ANK1: variants seen among roughly 807,000 people sequenced by gnomAD.
The protein encoded by ANK1 is ankyrin-1.
ANK1 carries 51 observed loss-of-function variants against 210.4 expected under a neutral mutation model. The ratio of observed to expected loss-of-function variants is 0.24; its 90% CI spans 0.19 to 0.31. The LOEUF (loss-of-function observed/expected upper bound fraction) is 0.31. ANK1 is among the 10% of genes least tolerant of loss of function. The pLI is 1.00. For synonymous variants in ANK1, 967 were observed against 1,025.9 expected (o/e 0.94, Z 1.10); for missense variants, 2,051 against 2,504.4 (o/e 0.82, Z 3.86).
At chr8:41,840,832 C>T (rs1293049178) in intron 1 of ANK1, among the ~76,000 whole-genome samples, 1 of 152,188 alleles carries the variant, frequency 6.6e-6, no homozygotes, top group Admixed American at 6.5e-5. Context: ...AAAAGAGTGG[C>T]CCGCTTGAAA....
chr8:41,703,402 G>A (rs1258095440), intron 20 of ANK1, among the ~76,000 whole-genome samples: 3 of 54,846 alleles, frequency 5.5e-5, no homozygotes, highest in African/African-American at 1.7e-4. Context: ...ATATGTATAT[G>A]TGTGTGTGTG....
intron 16 of ANK1, among the ~76,000 whole-genome samples, chr8:41,711,999 G>A (rs1310860593): frequency 1.3e-5 from 2 of 151,644 alleles, no homozygotes; most frequent in African/African-American, 4.8e-5. Flanking sequence ...ACCTTGGCTC[G>A]CCGCAATCTC....
At position 41,867,982 on chromosome 8, in the gene ANK1, C is replaced by T. The variant is rs1344293946; in HGVS notation, c.126+28373G>A. 2.6e-5 allele frequency among the ~76,000 whole-genome samples: 4 copies of T among 152,214 alleles called. No individual in the cohort carries two copies. The East Asian group carries it at 5.8e-4, about 22-fold the overall frequency. ...TCAAGCGATTCTCGTGCCTCAGCCT[C>T]CCAAGTAGCTGGGATTACAGGCGCC... On this transcript the variant is annotated intron_variant, in intron 1 of 42. Coordinates refer to the ANK1 transcript ENST00000265709.
At chr8:41,677,337 C>T (rs980032793) in intron 37 of ANK1, among the ~76,000 whole-genome samples, 3 of 152,092 alleles carry the variant, frequency 2.0e-5, no homozygotes, top group Non-Finnish European at 4.4e-5. Flanking sequence ...TTTCTGCTTT[C>T]TGTGTCACTG....
At chr8:41,887,265 T>A (rs1247640959) in intron 1 of ANK1, among the ~76,000 whole-genome samples, 2 of 112,458 alleles carry the variant, frequency 1.8e-5, no homozygotes, top group Non-Finnish European at 3.6e-5. Flanking sequence ...TTTTTTTTTT[T>A]AGAGACAGAG....
chr8:41,855,639 T>C lies in ANK1; in HGVS notation c.126+40716A>G, dbSNP rs974221567. Among the ~76,000 whole-genome samples, 4 of 152,340 alleles carry C rather than the reference T, an allele frequency of 2.6e-5. No individual in the cohort carries two copies. The East Asian group carries it at 5.8e-4, about 22-fold the overall frequency. On this transcript the variant is annotated intron_variant, in intron 1 of 42. Transcript: ENST00000265709. The stretch of plus-strand genomic sequence containing the variant: ...GAGAAAGGTCACTGCCTACCCCAGA[T>C]AGCCGGCTCTCTGTTTCTATAAAAG...
Position 41,723,195 on chromosome 8 carries a change from G to A in ANK1, c.839C>T (p.Ala280Val). Residue 280 changes from alanine (A) to valine (V), a missense_variant, in exon 9 of 43, where the codon GCT becomes GTT. Transcript: ENST00000289734. ...TGAGATTCGCACGTGCCCATTTCGA[G>A]CTGCACAGTGGAGAGGTGTCAATTC... ...KDELTPLHCA[A>V]RNGHVRISEI... is the part of the protein sequence containing the mutation. 6.2e-7 allele frequency: 1 copy of A among 1,614,146 alleles called. No homozygotes were observed.
intron 35 of ANK1, among the ~76,000 whole-genome samples, chr8:41,687,236 C>T (rs80140948): frequency 0.027 from 4,082 of 152,242 alleles, 150 homozygotes; most frequent in African/African-American, 0.086. Context: ...AATTGAGCAC[C>T]GGGCTCTGGA....
At chr8:41,751,549 T>C (rs1837701167) in intron 2 of ANK1, among the ~76,000 whole-genome samples, 1 of 152,188 alleles carries the variant, frequency 6.6e-6, no homozygotes, top group Admixed American at 6.5e-5. Context: ...ATGTGGCTGC[T>C]CTAGCTGGAA....
Position 41,663,764 on chromosome 8 carries a change from A to T in ANK1, c.5395-22T>A, listed in dbSNP as rs774682195. The T allele has an allele frequency of 1.2e-5, 19 of 1,590,756 alleles. No individual in the cohort carries two copies. The Admixed American group carries it at 3.2e-4, about 27-fold the overall frequency. ...TCCCCTGGAATTAGAGAAAGGGAGAAAATGCAAGATTGGTGAGTGGGAGTC... is the reference window on the plus strand; with the variant it reads ...TCCCCTGGAATTAGAGAAAGGGAGATAATGCAAGATTGGTGAGTGGGAGTC... On this transcript the variant is annotated intron_variant, in intron 39 of 42. Transcript: ENST00000289734.
At chr8:41,789,439 A>G (rs1486318724) in intron 1 of ANK1, 1 of 152,264 alleles carries the variant, frequency 6.6e-6, no homozygotes, top group Non-Finnish European at 1.5e-5. Flanking sequence ...GAGGGCACAT[A>G]TCTGATGGAG....
At position 41,708,926 on chromosome 8, in the gene ANK1, A is replaced by C; in HGVS notation, c.1850T>G (p.Val617Gly). Residue 617 changes from valine to glycine, a missense_variant, in exon 17 of 43, where the codon GTG becomes GGG. Physicochemically the swap from Val to Gly is moderately radical, Grantham distance 109 (BLOSUM62 -3). Coordinates refer to ENST00000289734, the MANE Select transcript of ANK1 (RefSeq NM_000037.4). ...CCCATACTGCAGCAGACTACGGGCCACCTCCACCTGGTTCTGCTTGGCAGC... is the reference window on the plus strand; with the variant it reads ...CCCATACTGCAGCAGACTACGGGCCCCCTCCACCTGGTTCTGCTTGGCAGC... ...HIAAKQNQVE[V>G]ARSLLQYGGS... 6.2e-7 allele frequency: 1 copy of C among 1,614,024 alleles called. No individual in the cohort carries two copies. Among genetic ancestry groups the C allele is most frequent in the East Asian group, 2.2e-5 (1 of 44,868 alleles).
At chr8:41,731,161 C>T (rs1279365005) in intron 3 of ANK1, among the ~76,000 whole-genome samples, 2 of 152,194 alleles carry the variant, frequency 1.3e-5, no homozygotes, top group Non-Finnish European at 2.9e-5. Context: ...AGGCCCCTGG[C>T]CTAAGTTGTG....
At chr8:41,715,938 G>C in intron 13 of ANK1, 89 bp from the exon 14 acceptor site, 1 of 1,489,538 alleles carries the variant, frequency 6.7e-7, no homozygotes, top group South Asian at 1.2e-5. Flanking sequence ...GCAGGGCCCA[G>C]AGAGGGCAAG....
At chr8:41,804,819 A>G (rs1850678914) in intron 1 of ANK1, among the ~76,000 whole-genome samples, 1 of 152,198 alleles carries the variant, frequency 6.6e-6, no homozygotes, top group Non-Finnish European at 1.5e-5. Flanking sequence ...CCGGCAAAAC[A>G]CGGTGAAAAC....
intron 1 of ANK1, among the ~76,000 whole-genome samples, chr8:41,872,411 A>G (rs954093527): frequency 5.3e-5 from 8 of 152,128 alleles, no homozygotes; most frequent in Admixed American, 2.6e-4. Context: ...CTCTTTCCTC[A>G]CTTCAGAGTC....
At chr8:41,804,539 G>A (rs970553380) in intron 1 of ANK1, among the ~76,000 whole-genome samples, 2 of 152,134 alleles carry the variant, frequency 1.3e-5, no homozygotes, top group African/African-American at 4.8e-5. Flanking sequence ...AACTCATAAG[G>A]TGAGTTGGCT....
At chr8:41,861,533 A>G (rs1232214697) in intron 1 of ANK1, among the ~76,000 whole-genome samples, 1 of 152,240 alleles carries the variant, frequency 6.6e-6, no homozygotes, top group Non-Finnish European at 1.5e-5. Flanking sequence ...GAACTCTGCT[A>G]CTAAAGCAGC....
chr8:41,866,384 G>A lies in ANK1; in HGVS notation c.126+29971C>T, dbSNP rs140664988. On this transcript the variant is annotated intron_variant, in intron 1 of 42. Transcript: ENST00000265709. Reference sequence around the variant, plus strand: ...TTATTTTTTATTTTTTGTAGAGACAGGGTCCCACTGTGTTGCCCAGGCTGG... The same window carrying A: ...TTATTTTTTATTTTTTGTAGAGACAAGGTCCCACTGTGTTGCCCAGGCTGG... Among the ~76,000 whole-genome samples, 522 of 152,310 alleles carry A rather than the reference G, an allele frequency of 3.4e-3. 1 individual carries two copies. Among genetic ancestry groups the A allele is most frequent in the African/African-American group, 0.012 (508 of 41,558 alleles).
Sources: allele counts gnomAD v4.1 joint callset (sites outside exome capture counted in the v4.1 genomes callset), GRCh38; gene constraint gnomAD v4.1.1; transcripts MANE v1.5; gene names NCBI Gene and HGNC (gene_info 2026-07-23, HGNC 2026-07-21).